Variants in KRT10 observed in about 807,000 individuals in gnomAD.
KRT10 encodes keratin, type I cytoskeletal 10.
In KRT10, 40 loss-of-function variants were observed where a neutral mutation model predicts 59.2. The ratio of observed to expected loss-of-function variants is 0.68; its 90% confidence interval spans 0.52 to 0.88. The LOEUF is 0.88. Among genes scored for constraint, KRT10 ranks in the 40% least tolerant of loss-of-function variants. The pLI is 0.00. For missense variants in KRT10, 719 were observed against 749.1 expected (o/e 0.96, Z 0.47); for synonymous variants, 336 against 310.7 (o/e 1.08, Z -0.86).
chr17:40,820,658 A>G lies in KRT10; in HGVS notation c.720T>C (p.Asn240=). ...AADDFRLKYE[N]EVALRQSVEA... ...CCACGCTCTGGCGCAGAGCTACCTC[A>G]TTCTCATACCTGAAACAAGCATGAT... is the stretch of plus-strand genomic sequence containing the variant. Residue 240 remains asparagine (N), a synonymous_variant, in exon 3 of 8, where the codon AAT becomes AAC. Coordinates refer to ENST00000269576, the MANE Select transcript of KRT10 (RefSeq NM_000421.5). 1 of 1,614,182 alleles carries G rather than the reference A, an allele frequency of 6.2e-7. No homozygotes were observed. The highest frequency in any genetic ancestry group is 1.7e-4 in the Middle Eastern group (1 of 6,060).
At chr17:40,819,852 G>T (rs1905266075) in intron 5 of KRT10, 118 bp from the exon 6 acceptor site, 7 of 1,130,926 alleles carry the variant, frequency 6.2e-6, no homozygotes, top group Non-Finnish European at 9.3e-6. Context: ...AGAATTTGTT[G>T]TATGTTTAAT....
rs1344428746 is a variant in KRT10 at position 40,819,051 on chromosome 17, G to T, written c.1484C>A (p.Ser495Tyr). The change falls in exon 7 of 8, where the codon TCC (serine) becomes TAC (tyrosine). Residue 495 changes from serine to tyrosine, a missense_variant. Ser to Tyr is a moderately radical substitution (Grantham distance 144). Around this residue, in one of 4 missense-constraint regions of KRT10, gnomAD observed 315 missense variants for 270.6 expected, o/e 1.16. Transcript: ENST00000269576. The part of the protein sequence containing the change: ...GGHGGGHGGS[S>Y]GGGYGGGSSG... ...GCTTCCGCCTCCGTAGCCGCCGCCG[G>T]AACTGCCGCCGTGGCCGCCGCCGTG... 3.0e-6 allele frequency: 4 copies of T among 1,334,704 alleles called. No individual in the cohort carries two copies. Among genetic ancestry groups the T allele is most frequent in the Admixed American group, 2.8e-5 (1 of 35,428 alleles). 82.7% of individuals were successfully genotyped at this position (1,334,704 alleles called of 1,614,324 possible).
intron 5 of KRT10, 142 bp from the exon 6 acceptor site, chr17:40,819,876 T>C (rs1275398070): frequency 1.8e-6 from 2 of 1,104,560 alleles, no homozygotes; most frequent in East Asian, 5.0e-5. Context: ...ACCATTTCAG[T>C]TTCAGCACTT....
At chr17:40,821,167 C>G in intron 1 of KRT10, 50 bp from the exon 2 acceptor site, 1 of 1,343,502 alleles carries the variant, frequency 7.4e-7, no homozygotes, top group Non-Finnish European at 1.1e-6. Flanking sequence ...GCAGATATGG[C>G]TTTTGTAGTG....
At chr17:40,819,202 G>C in intron 6 of KRT10, 41 bp from the exon 7 acceptor site, 1 of 1,594,642 alleles carries the variant, frequency 6.3e-7, no homozygotes, top group Non-Finnish European at 8.5e-7. Flanking sequence ...TCTAACGTTG[G>C]AAAACGGTGG....
intron 6 of KRT10, 178 bp from the exon 7 acceptor site, chr17:40,819,339 T>C: frequency 7.1e-7 from 1 of 1,409,888 alleles, no homozygotes; most frequent in Non-Finnish European, 9.6e-7. Context: ...CTCTTAAGAA[T>C]CATTTTGGGC....
chr17:40,819,016 C>A lies in KRT10; in HGVS notation c.1519G>T (p.Gly507Ter). Residue 507 changes from glycine (G) to a stop codon, truncating the protein, a stop_gained, in exon 7 of 8, where the codon GGA becomes TGA. Transcript: ENST00000269576. LOFTEE classifies it high-confidence loss of function. Reference sequence around the variant, plus strand: ...CCCCCGTAGCCGCCGCCGGAGCTTCCGCCGCCGGAGCTTCCGCCTCCGTAG... The same window carrying A: ...CCCCCGTAGCCGCCGCCGGAGCTTCAGCCGCCGGAGCTTCCGCCTCCGTAG... ...GGYGGGSSGG[G>*]SSGGGYGGGS... 1.5e-6 allele frequency: 2 copies of A among 1,368,862 alleles called. No individual in the cohort carries two copies. The highest frequency in any genetic ancestry group is 2.6e-5 in the Admixed American group (1 of 38,132). 84.8% of individuals were successfully genotyped at this position (1,368,862 alleles called of 1,614,324 possible).
Position 40,818,878 on chromosome 17 carries a change from A to G in KRT10, c.1657T>C (p.Ser553Pro). ...GGGSSGGGSS[S>P]GGGYGGGSSS... ...CTGCCGCCGCCGTATCCGCCGCCGG[A>G]GCTGCTGCCGCCGCCGGAGCTGCCG... Residue 553 changes from serine (S) to proline (P), a missense_variant, in exon 7 of 8, where the codon TCC (serine) becomes CCC (proline). Around this residue, in one of 4 missense-constraint regions of KRT10, gnomAD observed 315 missense variants for 270.6 expected, o/e 1.16. Transcript: ENST00000269576. The G allele has an allele frequency of 1.3e-6, 2 of 1,530,426 alleles. No homozygotes were observed. Among genetic ancestry groups the G allele is most frequent in the East Asian group, 2.5e-5 (1 of 39,796 alleles). The allele number at this position is 1,530,426 out of a possible 1,614,324, so 94.8% of individuals were successfully genotyped here. A position where few individuals can be genotyped will look rare whatever the true frequency, so the allele number is the denominator to read the frequency against.
At chr17:40,819,397 A>G in intron 6 of KRT10, 120 bp downstream of exon 6, 1 of 1,281,760 alleles carries the variant, frequency 7.8e-7, no homozygotes, top group Non-Finnish European at 1.1e-6. Context: ...CTTTTTCTGT[A>G]CTCTACCCTC....
Position 40,818,314 on chromosome 17 carries a change from G to A in KRT10, c.*162C>T, listed in dbSNP as rs1905141717. On this transcript the variant is annotated 3_prime_UTR_variant, in exon 8 of 8. Transcript: ENST00000269576. ...ACAGAAGTGTTTTCTTGGAGACTTT[G>A]TTTTCCATGCATCTGTAAATAATGG... 1 of 929,830 alleles carries A rather than the reference G, an allele frequency of 1.1e-6. No homozygotes were observed. The highest frequency in any genetic ancestry group is 2.4e-5 in the Admixed American group (1 of 41,110). The allele number at this position is 929,830 out of a possible 1,614,324, so 57.6% of individuals were successfully genotyped here. A position where few individuals can be genotyped will look rare whatever the true frequency, so the allele number is the denominator to read the frequency against.
chr17:40,820,065 T>C lies in KRT10; in HGVS notation c.1139A>G (p.Gln380Arg). Residue 380 changes from glutamine to arginine, a missense_variant, in exon 5 of 8, where the codon CAG (glutamine) becomes CGG (arginine). Transcript: ENST00000269576. Reference protein sequence around the residue: ...RNVQALEIELQSQLALKQSLE... With the variant: ...RNVQALEIELRSQLALKQSLE... ...TTAACATACCAAGGCCAGTTGGGAC[T>C]GTAGTTCTATCTCCAGAGCTTGTAC... 6 of 1,612,988 alleles carry C rather than the reference T, an allele frequency of 3.7e-6. No homozygotes were observed. The highest frequency in any genetic ancestry group is 5.1e-6 in the Non-Finnish European group (6 of 1,179,998).
At position 40,819,738 on chromosome 17, in the gene KRT10, A is replaced by C. The variant is rs530944445; in HGVS notation, c.1156-4T>G. The C allele has an allele frequency of 8.2e-5, 133 of 1,613,946 alleles. 2 individuals carry two copies. The South Asian group carries it at 1.4e-3, about 17-fold the overall frequency. On this transcript the variant is annotated splice_region_variant and splice_polypyrimidine_tract_variant and intron_variant, in intron 5 of 7. Coordinates refer to ENST00000269576, the MANE Select transcript of KRT10 (RefSeq NM_000421.5). ...AGGAGGCTTCCAGGGATTGTTTCTG[A>C]AACGGATTTTTTTGTGGCTTAGTGA...
In KRT10 at chr17:40,821,264, A is replaced by C. The variant is rs1905366483; in HGVS notation, c.628-147T>G. 11 of 654,324 alleles carry C rather than the reference A, an allele frequency of 1.7e-5. No individual in the cohort carries two copies. In the South Asian group the frequency reaches 1.8e-4, roughly 11 times the overall value. 40.5% of individuals were successfully genotyped at this position (654,324 alleles called of 1,614,324 possible). On this transcript the variant is annotated intron_variant, in intron 1 of 7. Transcript: ENST00000269576. ...TTTAAATATGAAATATTGCAGGCTT[A>C]CCCATATACTTAACTTTGAATTATT...
At position 40,818,844 on chromosome 17, in the gene KRT10, C is replaced by T; in HGVS notation, c.1691G>A (p.Gly564Glu). 1.3e-6 allele frequency: 2 copies of T among 1,571,600 alleles called. No individual in the cohort carries two copies. Among genetic ancestry groups the T allele is most frequent in the Non-Finnish European group, 1.7e-6 (2 of 1,165,304 alleles). Residue 564 changes from glycine to glutamate, a missense_variant, in exon 7 of 8, where the codon GGA becomes GAA. Gly to Glu is a moderately conservative substitution (Grantham distance 98). Transcript: ENST00000269576. ...GGGYGGGSSS[G>E]GHKSSSSGSV... ...CCCGGAAGAGGAGGACTTGTGGCCTCCGCTGGAGCTGCCGCCGCCGTATCC... is the reference window on the plus strand; with the variant it reads ...CCCGGAAGAGGAGGACTTGTGGCCTTCGCTGGAGCTGCCGCCGCCGTATCC...
rs372028613 is a variant in KRT10, at chr17:40,821,020, G to A, written c.710+15C>T. The A allele has an allele frequency of 4.3e-5, 68 of 1,585,934 alleles. No individual in the cohort carries two copies. Among genetic ancestry groups the A allele is most frequent in the Non-Finnish European group, 5.1e-5 (59 of 1,154,602 alleles). ...ATTCGTTGTGATAGTATTATACAAC[G>A]ATCACTTAACTTACTTCAGCCTGAA... On this transcript the variant is annotated intron_variant, in intron 2 of 7. Coordinates refer to ENST00000269576, the MANE Select transcript of KRT10 (RefSeq NM_000421.5).
At position 40,819,002 on chromosome 17, in the gene KRT10, G is replaced by C. The variant is rs1227327599; in HGVS notation, c.1533C>G (p.Gly511=). The change falls in exon 7 of 8, where the codon GGC becomes GGG. Residue 511 remains glycine (G), a synonymous_variant. Transcript: ENST00000269576. ...GGSSGGGSSG[G]GYGGGSSSGG... is the part of the protein sequence containing the mutation. ...CGCTGGAGCTTCCGCCCCCGTAGCC[G>C]CCGCCGGAGCTTCCGCCGCCGGAGC... 7.8e-7 allele frequency: 1 copy of C among 1,279,486 alleles called. No individual in the cohort carries two copies. 79.3% of individuals were successfully genotyped at this position (1,279,486 alleles called of 1,614,324 possible).
At position 40,820,443 on chromosome 17, in the gene KRT10, A is replaced by G. The variant is rs900244028; in HGVS notation, c.868-20T>C. The stretch of plus-strand genomic sequence containing the variant: ...CATTTCCTGTTTGAGGAACAGAAAG[A>G]TTTATTGGCTACACGAGGACCATAA... On this transcript the variant is annotated intron_variant, in intron 3 of 7. Transcript: ENST00000269576. The G allele has an allele frequency of 3.7e-6, 6 of 1,614,206 alleles. No individual in the cohort carries two copies. In the Admixed American group the frequency reaches 8.3e-5, roughly 22 times the overall value.
rs547919132 is a variant in KRT10 at position 40,820,788 on chromosome 17, C to T, written c.711-121G>A. ...ATGTAATGGCAATATTTGTCATGTA[C>T]AGTTCTCTTAGAAGTAATAGTGGTT... On this transcript the variant is annotated intron_variant, in intron 2 of 7. Transcript: ENST00000269576. 2.0e-5 allele frequency: 23 copies of T among 1,158,710 alleles called. No individual in the cohort carries two copies. The South Asian group carries it at 2.3e-4, about 12-fold the overall frequency. The allele number at this position is 1,158,710 out of a possible 1,614,324, so 71.8% of individuals were successfully genotyped here.
In KRT10 at chr17:40,819,457, C is replaced by G. The variant is rs1175656643; in HGVS notation, c.1373+60G>C. On this transcript the variant is annotated intron_variant, in intron 6 of 7. Coordinates refer to ENST00000269576, the MANE Select transcript of KRT10 (RefSeq NM_000421.5). ...GGCATCTTCTTGGGGTTTAGATAAG[C>G]CTTGCTATCTGGAATATTGAATAAA... 3 of 1,484,376 alleles carry G rather than the reference C, an allele frequency of 2.0e-6. No homozygotes were observed. In the African/African-American group the frequency reaches 4.2e-5, roughly 21 times the overall value. The allele number at this position is 1,484,376 out of a possible 1,614,324, so 92.0% of individuals were successfully genotyped here.
Sources: allele counts gnomAD v4.1 joint callset, GRCh38; gene constraint gnomAD v4.1.1; regional missense constraint gnomAD v4.1.1; transcripts MANE v1.5; gene names NCBI Gene and HGNC (gene_info 2026-07-23, HGNC 2026-07-21).